The following PARVA variants were observed in gnomAD, a reference collection of about 807,000 sequenced individuals.
The protein encoded by PARVA is parvin alpha.
Under a neutral mutation model 52.6 loss-of-function variants are expected in PARVA, and 25 were observed. That is an observed-to-expected ratio of 0.48 (90% CI 0.35 to 0.66). The LOEUF is 0.66. Among genes scored for constraint, PARVA ranks in the 30% least tolerant of loss-of-function variants. The pLI, the probability that PARVA is intolerant of heterozygous loss-of-function variation, is 0.01. For synonymous variants in PARVA, 185 were observed against 179.1 expected, an observed-to-expected ratio of 1.03 and a Z score of -0.26; for missense variants, 373 against 450.9, an observed-to-expected ratio of 0.83 and a Z score of 1.56.
intron 1 of PARVA, among the ~76,000 whole-genome samples, chr11:12,440,251 T>A (rs1183937006): frequency 2.0e-5 from 3 of 152,202 alleles, no homozygotes; most frequent in Non-Finnish European, 2.9e-5. Context: ...TGATTGGTGC[T>A]GGCCCCGTGA....
intron 1 of PARVA, among the ~76,000 whole-genome samples, chr11:12,466,556 G>A (rs1053215392): frequency 2.6e-5 from 4 of 151,924 alleles, no homozygotes; most frequent in South Asian, 4.2e-4. Context: ...CGCCCGCCTC[G>A]GCCACCCAGA....
At chr11:12,376,874 G>C (rs7123650), upstream of PARVA, 1 of 273,312 alleles carries the variant, frequency 3.7e-6, no homozygotes. Flanking sequence ...AATTTTGCGG[G>C]AAGTCCTGTA....
At chr11:12,450,649 TGAG>T (rs1298077752) in intron 1 of PARVA, among the ~76,000 whole-genome samples, 2 of 152,126 alleles carry the variant, frequency 1.3e-5, no homozygotes, top group African/African-American at 2.4e-5. Flanking sequence ...GTCTGCAAGT[TGAG>T]GAGCAAGGAA....
At chr11:12,398,658 T>C (rs948886548) in intron 1 of PARVA, among the ~76,000 whole-genome samples, 6 of 151,730 alleles carry the variant, frequency 4.0e-5, no homozygotes, top group African/African-American at 1.5e-4. Flanking sequence ...TTTCTCTGAA[T>C]CTTGGTTTTT....
rs1479889961 is a variant in PARVA, at chr11:12,527,937, G to A, written c.*12G>A. On this transcript the variant is annotated 3_prime_UTR_variant, in exon 13 of 13. Transcript: ENST00000334956. ...GTAACGTGGAGTGAGGGGCTGCCCT[G>A]GGCCCACCACTGCCCAAGAGTTCTT... 2 of 1,599,590 alleles carry A rather than the reference G, an allele frequency of 1.3e-6. No homozygotes were observed. Among genetic ancestry groups the A allele is most frequent in the East Asian group, 4.5e-5 (2 of 44,816 alleles).
chr11:12,475,750 G>C (rs1033028028), intron 3 of PARVA, among the ~76,000 whole-genome samples: 1 of 152,216 alleles, frequency 6.6e-6, no homozygotes, highest in Non-Finnish European at 1.5e-5. Context: ...GGCAGCCTTG[G>C]CTAGGCCGCC....
chr11:12,464,567 C>A (rs1940829416), intron 1 of PARVA, among the ~76,000 whole-genome samples: 1 of 152,204 alleles, frequency 6.6e-6, no homozygotes, highest in Non-Finnish European at 1.5e-5. Flanking sequence ...TAAGTTCGTA[C>A]CATTCCCATC....
intron 4 of PARVA, among the ~76,000 whole-genome samples, chr11:12,481,885 C>G (rs557519111): frequency 5.3e-5 from 8 of 152,150 alleles, no homozygotes; most frequent in African/African-American, 1.9e-4. Context: ...GAAAAGGATA[C>G]AGGGCCAGGC....
intron 1 of PARVA, among the ~76,000 whole-genome samples, chr11:12,424,604 G>A (rs574271391): frequency 1.4e-4 from 21 of 152,304 alleles, no homozygotes; most frequent in Non-Finnish European, 2.6e-4. Context: ...TTGTCCAGTT[G>A]TACTGGACAG....
chr11:12,509,933 G>A (rs1270324638), intron 7 of PARVA, among the ~76,000 whole-genome samples: 4 of 152,162 alleles, frequency 2.6e-5, no homozygotes, highest in East Asian at 1.9e-4. Flanking sequence ...GAAAGAAGAC[G>A]ACAGAGCAGA....
At chr11:12,518,987 A>G (rs150856312) in intron 12 of PARVA, among the ~76,000 whole-genome samples, 115 of 152,338 alleles carry the variant, frequency 7.5e-4, no homozygotes, top group African/African-American at 2.6e-3. Flanking sequence ...GGTTGTAAAT[A>G]TAAGTCTGAG....
chr11:12,433,171 T>C (rs1940338791), intron 1 of PARVA, among the ~76,000 whole-genome samples: 1 of 152,174 alleles, frequency 6.6e-6, no homozygotes, highest in Non-Finnish European at 1.5e-5. Flanking sequence ...AGTTTCATTT[T>C]TGCGACGACC....
intron 1 of PARVA, among the ~76,000 whole-genome samples, chr11:12,396,443 G>A (rs540597656): frequency 3.3e-5 from 5 of 152,336 alleles, no homozygotes; most frequent in Non-Finnish European, 5.9e-5. Context: ...GGCCCTGGAA[G>A]CAAAGTGCCT....
chr11:12,401,395 A>G (rs1236768568), intron 1 of PARVA, among the ~76,000 whole-genome samples: 2 of 152,232 alleles, frequency 1.3e-5, no homozygotes, highest in African/African-American at 4.8e-5. Context: ...TCCAAAGAAG[A>G]GGCAAAGGTG....
At chr11:12,493,793 G>T (rs1472509222) in intron 4 of PARVA, among the ~76,000 whole-genome samples, 1 of 152,142 alleles carries the variant, frequency 6.6e-6, no homozygotes, top group Non-Finnish European at 1.5e-5. Flanking sequence ...CCAAATATGT[G>T]GGTTTTCCAC....
intron 4 of PARVA, among the ~76,000 whole-genome samples, chr11:12,482,156 C>CAA (rs60933434): frequency 2.0e-3 from 124 of 60,626 alleles, no homozygotes; most frequent in African/African-American, 5.0e-3. Flanking sequence ...AACCCTGTCT[C>CAA]AAAAAAAAAA....
intron 1 of PARVA, among the ~76,000 whole-genome samples, chr11:12,426,491 T>G (rs922235795): frequency 3.3e-5 from 5 of 152,144 alleles, no homozygotes; most frequent in Non-Finnish European, 5.9e-5. Context: ...TTAAGCAGTT[T>G]GATATATATT....
chr11:12,453,139 G>GGTGA (rs951107761), intron 1 of PARVA: 3 of 424,022 alleles, frequency 7.1e-6, no homozygotes, highest in African/African-American at 6.1e-5. Context: ...GAGTTGAGAT[G>GGTGA]GTGAGTGCTC....
chr11:12,413,095 C>T (rs1309591548), intron 1 of PARVA, among the ~76,000 whole-genome samples: 3 of 152,312 alleles, frequency 2.0e-5, no homozygotes, highest in South Asian at 2.1e-4. Context: ...GGGATGCAGG[C>T]GTCTGCCTGT....
Sources: gnomAD v4.1 joint callset for allele counts (sites outside exome capture counted in the v4.1 genomes callset) on GRCh38, gnomAD v4.1.1 for gene constraint, MANE v1.5 for transcripts, NCBI Gene and HGNC (gene_info 2026-07-23, HGNC 2026-07-21) for gene names.